Variants in FBLIM1 observed in about 807,000 individuals in gnomAD.
FBLIM1 encodes filamin binding LIM protein 1.
FBLIM1 carries 29 observed loss-of-function variants against 37.4 expected under a neutral mutation model. The observed-to-expected ratio is 0.77, with a 90% CI of 0.58 to 1.06. The LOEUF (loss-of-function observed/expected upper bound fraction) is 1.06, where lower values mean the gene tolerates loss of function less well. Among genes scored for constraint, FBLIM1 ranks in the 50% least tolerant of loss-of-function variants. The pLI is 0.00. For synonymous variants in FBLIM1, 193 were observed against 199.0 expected (o/e 0.97, Z 0.25); for missense variants, 449 against 505.6 (o/e 0.89, Z 1.07).
At chr1:15,757,929 G>C (rs1274269635), upstream of FBLIM1, 1 of 152,204 alleles carries the variant, frequency 6.6e-6, no homozygotes, top group Non-Finnish European at 1.5e-5. This position sits in a 1 kb window ranked among gnomAD's most constrained non-coding sequence, Gnocchi z 4.1. Flanking sequence ...GTGGAGGGAG[G>C]GGTTCAGCCA....
chr1:15,772,487 C>T (rs2069266924), intron 6 of FBLIM1, among the ~76,000 whole-genome samples: 1 of 152,126 alleles, frequency 6.6e-6, no homozygotes, highest in African/African-American at 2.4e-5. Context: ...GAGATGCCCC[C>T]ACACGTGTCC....
At chr1:15,764,710 A>G (rs1276088326) in intron 2 of FBLIM1, 25 bp downstream of exon 2, 2 of 503,922 alleles carry the variant, frequency 4.0e-6, no homozygotes, top group East Asian at 3.4e-5. Context: ...TTGCTCCCCT[A>G]GGTGTGCAGG....
chr1:15,783,532 G>T (rs1037396019), intron 8 of FBLIM1, among the ~76,000 whole-genome samples: 6 of 150,702 alleles, frequency 4.0e-5, no homozygotes, highest in Non-Finnish European at 8.8e-5. Flanking sequence ...TGGGGACTTG[G>T]CCTTAAACAG....
intron 8 of FBLIM1, among the ~76,000 whole-genome samples, 166 bp from the exon 9 acceptor site, chr1:15,784,382 C>T (rs1162991932): frequency 1.3e-5 from 2 of 152,134 alleles, no homozygotes; most frequent in African/African-American, 4.8e-5. Flanking sequence ...TTATGGAGAC[C>T]TGGCCCGGGT....
At position 15,784,663 on chromosome 1, in the gene FBLIM1, A is replaced by T; in HGVS notation, c.*2A>T. The T allele has an allele frequency of 6.2e-7, 1 of 1,613,536 alleles. No individual in the cohort carries two copies. On this transcript the variant is annotated 3_prime_UTR_variant, in exon 9 of 9. Coordinates refer to ENST00000375766, the MANE Select transcript of FBLIM1 (RefSeq NM_017556.4). ...CGGAGTGCTGCGGGGTGCTGCTGAGAGTGCCCGCTGGGCAGTGAACAGACC... is the reference window on the plus strand; with the variant it reads ...CGGAGTGCTGCGGGGTGCTGCTGAGTGTGCCCGCTGGGCAGTGAACAGACC...
chr1:15,766,875 G>A (rs2068948682), intron 3 of FBLIM1, among the ~76,000 whole-genome samples: 1 of 147,410 alleles, frequency 6.8e-6, no homozygotes, highest in Non-Finnish European at 1.5e-5. Context: ...TTACAGGTGT[G>A]AGCCACTGCA....
chr1:15,770,339 G>C, intron 5 of FBLIM1, 70 bp from the exon 6 acceptor site: 1 of 1,534,858 alleles, frequency 6.5e-7, no homozygotes, highest in Non-Finnish European at 8.9e-7. Context: ...TCCTGAGCAT[G>C]TTCTGGGTGG....
chr1:15,782,391 G>C (rs2069665903), intron 8 of FBLIM1, among the ~76,000 whole-genome samples: 1 of 147,710 alleles, frequency 6.8e-6, no homozygotes, highest in South Asian at 2.1e-4. Context: ...CTGGGTGACA[G>C]AGTGAGACTC....
In FBLIM1 at chr1:15,765,015, C is replaced by A. The variant is rs145692215; in HGVS notation, c.32C>A (p.Ser11Ter). The change falls in exon 3 of 9, where the codon TCG (serine) becomes TAG (stop). Residue 11 changes from serine (S) to a stop codon, truncating the protein, a stop_gained. Transcript: ENST00000375766. LOFTEE classifies it high-confidence loss of function. This position sits in a 1 kb window ranked among gnomAD's most constrained non-coding sequence, Gnocchi z 5.9. MASKPEKRVA[S>*]SVFITLAPPR... is the part of the protein sequence containing the mutation. Reference sequence around the variant, plus strand: ...TCAAAGCCTGAGAAGAGGGTGGCATCGTCTGTCTTTATCACCCTGGCACCC... The same window carrying A: ...TCAAAGCCTGAGAAGAGGGTGGCATAGTCTGTCTTTATCACCCTGGCACCC... The A allele has an allele frequency of 2.5e-6, 4 of 1,613,836 alleles. No individual in the cohort carries two copies. In the East Asian group the frequency reaches 6.7e-5, roughly 27 times the overall value.
chr1:15,759,310 A>AG (rs1396020083), intron 1 of FBLIM1, among the ~76,000 whole-genome samples: 2 of 152,186 alleles, frequency 1.3e-5, no homozygotes, highest in East Asian at 3.9e-4. Context: ...AGCCAGGGTC[A>AG]GGCAAGGGGA....
intron 1 of FBLIM1, among the ~76,000 whole-genome samples, chr1:15,759,720 T>A (rs2068575674): frequency 6.6e-6 from 1 of 151,872 alleles, no homozygotes; most frequent in Non-Finnish European, 1.5e-5. Context: ...GGCCAGAGAG[T>A]TTCTGTGACC....
intron 7 of FBLIM1, among the ~76,000 whole-genome samples, chr1:15,776,092 C>T (rs895821348): frequency 2.6e-5 from 4 of 152,002 alleles, no homozygotes; most frequent in Admixed American, 6.6e-5. Flanking sequence ...GTGATGAGCC[C>T]AGCAGGAACT....
intron 1 of FBLIM1, among the ~76,000 whole-genome samples, chr1:15,760,815 G>A (rs2068639963): frequency 6.6e-6 from 1 of 152,164 alleles, no homozygotes; most frequent in Admixed American, 6.5e-5. Flanking sequence ...TCTGGGGGAG[G>A]AAGAGTGGGG....
chr1:15,773,307 C>T (rs1385917586), intron 6 of FBLIM1, among the ~76,000 whole-genome samples: 3 of 151,630 alleles, frequency 2.0e-5, no homozygotes, highest in Admixed American at 2.0e-4. Flanking sequence ...CACTTGAACC[C>T]GGGAGGCAGA....
At chr1:15,779,745 G>A (rs1373361351) in intron 8 of FBLIM1, among the ~76,000 whole-genome samples, 1 of 152,192 alleles carries the variant, frequency 6.6e-6, no homozygotes, top group Non-Finnish European at 1.5e-5. Context: ...GCTGAGATGG[G>A]CGAGCTGATT....
Position 15,777,155 on chromosome 1 carries a change from T to C in FBLIM1, c.891-15T>C. 6.3e-7 allele frequency: 1 copy of C among 1,585,758 alleles called. No individual in the cohort carries two copies. The highest frequency in any genetic ancestry group is 8.6e-7 in the Non-Finnish European group (1 of 1,159,018). On this transcript the variant is annotated splice_polypyrimidine_tract_variant and intron_variant, in intron 7 of 8. Transcript: ENST00000375766. ...GGCATGAACGCCTCCCAAGCATGGG[T>C]TCCTTTGCTTCTAGGAAATTCGCCC...
chr1:15,770,728 C>G, intron 6 of FBLIM1, 150 bp downstream of exon 6: 1 of 998,544 alleles, frequency 1.0e-6, no homozygotes, highest in South Asian at 1.7e-5. Flanking sequence ...AGAAGGAGCC[C>G]AGTGAAGGCG....
Position 15,767,518 on chromosome 1 carries a change from A to T in FBLIM1, c.393A>T (p.Ala131=), listed in dbSNP as rs766909014. The T allele has an allele frequency of 6.8e-7, 1 of 1,480,466 alleles. No homozygotes were observed. The highest frequency in any genetic ancestry group is 1.2e-5 in the South Asian group (1 of 80,134). 91.7% of individuals were successfully genotyped at this position (1,480,466 alleles called of 1,614,324 possible). A position where few individuals can be genotyped will look rare whatever the true frequency, so the allele number is the denominator to read the frequency against. The part of the protein sequence containing the change: ...APAPMGASLI[A]DLEQLHLSPP... ...CTCCAATGGGGGCCTCACTCATTGC[A>T]GACTTAGAGCAGCTGCACCTGTCCC... The change falls in exon 4 of 9, where the codon GCA becomes GCT. Residue 131 remains alanine, a synonymous_variant. Transcript: ENST00000375766.
intron 5 of FBLIM1, among the ~76,000 whole-genome samples, chr1:15,770,002 A>C (rs1360146590): frequency 2.0e-5 from 3 of 151,886 alleles, no homozygotes; most frequent in African/African-American, 7.3e-5. Flanking sequence ...GCTGGAGTGC[A>C]ATGGCACAGT....
Sources: allele counts gnomAD v4.1 joint callset (sites outside exome capture counted in the v4.1 genomes callset), GRCh38; gene constraint gnomAD v4.1.1; non-coding constraint Gnocchi (gnomAD v3.1); transcripts MANE v1.5; gene names NCBI Gene and HGNC (gene_info 2026-07-23, HGNC 2026-07-21).